Variants in TMCC1 observed in about 807,000 individuals in gnomAD.
TMCC1 encodes transmembrane and coiled-coil domain family 1, also known as transmembrane and coiled-coil domains protein 1.
Under a neutral mutation model 52.4 loss-of-function variants are expected in TMCC1, and 15 were observed. The ratio of observed to expected loss-of-function variants is 0.29; its 90% CI spans 0.19 to 0.44. The LOEUF (loss-of-function observed/expected upper bound fraction) is 0.44. Among genes scored for constraint, TMCC1 ranks in the 20% least tolerant of loss-of-function variants. The probability of loss-of-function intolerance (pLI) is 1.00; values close to 1 mark genes in which losing one functional copy is unlikely to be tolerated. For synonymous variants in TMCC1, 279 were observed against 301.9 expected, an observed-to-expected ratio of 0.92 and a Z score of 0.79; for missense variants, 503 against 806.0, an observed-to-expected ratio of 0.62 and a Z score of 4.55.
intron 4 of TMCC1, among the ~76,000 whole-genome samples, chr3:129,767,859 T>C (rs1289759973): frequency 6.6e-6 from 1 of 152,206 alleles, no homozygotes; most frequent in Non-Finnish European, 1.5e-5. Flanking sequence ...GAAACATTCT[T>C]TTGCAAAGTA....
intron 4 of TMCC1, among the ~76,000 whole-genome samples, chr3:129,815,238 C>T (rs964182802): frequency 7.2e-5 from 11 of 151,984 alleles, no homozygotes; most frequent in African/African-American, 2.7e-4. Context: ...GTAACATTCA[C>T]AGCAACAGGA....
chr3:129,802,524 T>C (rs2057252966), intron 4 of TMCC1, among the ~76,000 whole-genome samples: 1 of 152,178 alleles, frequency 6.6e-6, no homozygotes, highest in Admixed American at 6.5e-5. Flanking sequence ...GGAGGATCGC[T>C]TGATCCCAGA....
At chr3:129,752,380 T>C (rs1328874925) in intron 4 of TMCC1, among the ~76,000 whole-genome samples, 1 of 152,194 alleles carries the variant, frequency 6.6e-6, no homozygotes. Context: ...ATAGTCATCA[T>C]CAGAATCAAA....
At chr3:129,748,323 C>T (rs1184118176) in intron 4 of TMCC1, among the ~76,000 whole-genome samples, 1 of 152,152 alleles carries the variant, frequency 6.6e-6, no homozygotes, top group African/African-American at 2.4e-5. Context: ...GAGGGAGTCT[C>T]GCTCTGTAGC....
chr3:129,757,660 A>AAAAC (rs1051747273), intron 4 of TMCC1, among the ~76,000 whole-genome samples: 1 of 152,076 alleles, frequency 6.6e-6, no homozygotes, highest in African/African-American at 2.4e-5. Context: ...GTCTCTACTA[A>AAAAC]AAACAAACAA....
chr3:129,831,068 A>G (rs1450149616), intron 3 of TMCC1, among the ~76,000 whole-genome samples: 2 of 151,826 alleles, frequency 1.3e-5, no homozygotes, highest in African/African-American at 4.8e-5. Flanking sequence ...CAGAGTAGCT[A>G]GGATTACAGG....
chr3:129,794,676 C>A (rs1347988778), intron 4 of TMCC1, among the ~76,000 whole-genome samples: 1 of 152,004 alleles, frequency 6.6e-6, no homozygotes, highest in Non-Finnish European at 1.5e-5. Context: ...TTCCACCAGA[C>A]CAGTAGGCGA....
chr3:129,805,541 T>C (rs1273278828), intron 4 of TMCC1, among the ~76,000 whole-genome samples: 6 of 152,200 alleles, frequency 3.9e-5, no homozygotes, highest in African/African-American at 1.2e-4. Flanking sequence ...ACTCATTTTG[T>C]CTAGCACATA....
At chr3:129,806,948 G>A (rs1238686972) in intron 4 of TMCC1, among the ~76,000 whole-genome samples, 1 of 152,056 alleles carries the variant, frequency 6.6e-6, no homozygotes, top group African/African-American at 2.4e-5. Flanking sequence ...AGTCAGGAGA[G>A]CTAACTGCTA....
At chr3:129,766,983 C>T (rs981564137) in intron 4 of TMCC1, among the ~76,000 whole-genome samples, 5 of 151,586 alleles carry the variant, frequency 3.3e-5, no homozygotes, top group African/African-American at 7.3e-5. Flanking sequence ...AATTCATGGC[C>T]GGGCACAGTG....
rs868732148 is a variant in TMCC1, at chr3:129,670,365, G to C, written c.1476C>G (p.Ser492=). The stretch of plus-strand genomic sequence containing the variant: ...CCTCCTGTAAGGTCTGCATTATTAA[G>C]GAATAGTCCCTCTGATAATGTTCCT... ...TLKEHYQRDY[S]LIMQTLQEER... is the part of the protein sequence containing the mutation. The change falls in exon 5 of 7, where the codon TCC becomes TCG. Residue 492 remains serine, a synonymous_variant. Coordinates refer to ENST00000393238, the MANE Select transcript of TMCC1 (RefSeq NM_001017395.5). 2 of 1,614,144 alleles carry C rather than the reference G, an allele frequency of 1.2e-6. No individual in the cohort carries two copies. Among genetic ancestry groups the C allele is most frequent in the South Asian group, 2.2e-5 (2 of 91,084 alleles).
intron 4 of TMCC1, among the ~76,000 whole-genome samples, chr3:129,731,441 C>T (rs993540059): frequency 2.6e-5 from 4 of 152,018 alleles, no homozygotes; most frequent in South Asian, 4.2e-4. Context: ...AGCTAGACAT[C>T]GTGATGCATG....
chr3:129,819,710 G>A (rs536153364), intron 4 of TMCC1: 1 of 152,264 alleles, frequency 6.6e-6, no homozygotes, highest in African/African-American at 2.4e-5. Context: ...CTGAAGAACG[G>A]GAACAGTTAG....
At chr3:129,833,315 A>C (rs550606926) in intron 2 of TMCC1, among the ~76,000 whole-genome samples, 15 of 152,308 alleles carry the variant, frequency 9.8e-5, no homozygotes, top group Non-Finnish European at 1.6e-4. Context: ...ATGATGGCTC[A>C]TGCCTGTAAT....
chr3:129,706,497 C>T (rs756537199), intron 4 of TMCC1, among the ~76,000 whole-genome samples: 5 of 152,176 alleles, frequency 3.3e-5, no homozygotes, highest in Non-Finnish European at 7.3e-5. Flanking sequence ...TGAGCCACTG[C>T]ACTTGGCTTG....
rs1463161283 is a variant in TMCC1 at position 129,688,378 on chromosome 3, G to A, written c.577-17114C>T. 14 of 985,234 alleles carry A rather than the reference G, an allele frequency of 1.4e-5. No homozygotes were observed. The South Asian group carries it at 1.9e-4, about 13-fold the overall frequency. The allele number at this position is 985,234 out of a possible 1,614,324, so 61.0% of individuals were successfully genotyped here. On this transcript the variant is annotated intron_variant, in intron 4 of 6. Coordinates refer to ENST00000393238, the MANE Select transcript of TMCC1 (RefSeq NM_001017395.5). ...TCACTGCTGCACATACTTGGTTTCC[G>A]AGAATAACGCTGCAAATGAGGACAG...
At chr3:129,835,679 C>G (rs974134379) in intron 2 of TMCC1, among the ~76,000 whole-genome samples, 2 of 152,072 alleles carry the variant, frequency 1.3e-5, no homozygotes, top group African/African-American at 4.8e-5. Context: ...AGTGCAGAAC[C>G]ATGTATATAT....
intron 4 of TMCC1, among the ~76,000 whole-genome samples, chr3:129,722,233 T>C (rs2049671811): frequency 6.6e-6 from 1 of 152,140 alleles, no homozygotes; most frequent in African/African-American, 2.4e-5. Context: ...GAGCTCCACC[T>C]CCTGTCAGAT....
At chr3:129,886,408 A>G (rs1385946244) in intron 1 of TMCC1, among the ~76,000 whole-genome samples, 1 of 152,200 alleles carries the variant, frequency 6.6e-6, no homozygotes, top group African/African-American at 2.4e-5. Flanking sequence ...CAGTGGTTAC[A>G]TACTCAAGAG....
Sources: allele counts gnomAD v4.1 joint callset (sites outside exome capture counted in the v4.1 genomes callset), GRCh38; gene constraint gnomAD v4.1.1; transcripts MANE v1.5; gene names NCBI Gene and HGNC (gene_info 2026-07-23, HGNC 2026-07-21).